RBL1: variants seen among roughly 807,000 people sequenced by gnomAD.
RBL1 encodes the protein retinoblastoma-like protein 1.
In RBL1, 82 loss-of-function variants were observed where a neutral mutation model predicts 123.0. That is an observed-to-expected ratio of 0.67 (90% confidence interval 0.56 to 0.80). The LOEUF is 0.80. Ranked by LOEUF, RBL1 falls within the 30% of genes least tolerant of loss-of-function variation. RBL1 has a pLI of 0.00. For missense variants in RBL1, 1,171 were observed against 1,299.6 expected (o/e 0.90, Z 1.52); for synonymous variants, 405 against 441.3 (o/e 0.92, Z 1.03).
In RBL1 at chr20:37,046,393, TTC is replaced by T. The variant is rs1233530767; in HGVS notation, c.1605+658_1605+659del. On this transcript the variant is annotated intron_variant, in intron 12 of 21. Coordinates refer to ENST00000373664, the MANE Select transcript of RBL1 (RefSeq NM_002895.5). ...GACTTAATTTACTGATACTCTCACC[TTC>T]TCTCTCTCTTTTTTTTTCTTTGAAA... is the stretch of plus-strand genomic sequence containing the variant. Among the ~76,000 whole-genome samples, 3 of 152,204 alleles carry T rather than the reference TTC, an allele frequency of 2.0e-5. No individual in the cohort carries two copies. In the East Asian group the frequency reaches 5.8e-4, roughly 29 times the overall value.
intron 2 of RBL1, among the ~76,000 whole-genome samples, chr20:37,072,264 C>T (rs1600581165): frequency 6.6e-6 from 1 of 152,256 alleles, no homozygotes; most frequent in Middle Eastern, 3.4e-3. Context: ...AGGTCAGGAG[C>T]TCGAGACCAG....
chr20:37,067,158 A>G (rs901725973), intron 4 of RBL1, 37 bp from the exon 5 acceptor site: 3 of 1,570,918 alleles, frequency 1.9e-6, no homozygotes, highest in Non-Finnish European at 2.6e-6. Context: ...AGACACAAAA[A>G]CCAGAAACCT....
At chr20:37,094,837 C>T (rs954289235) in intron 1 of RBL1, among the ~76,000 whole-genome samples, 2 of 152,158 alleles carry the variant, frequency 1.3e-5, no homozygotes, top group Non-Finnish European at 2.9e-5. Flanking sequence ...GGGGTTTCGC[C>T]GTGTTGCCCA....
chr20:37,041,679 C>T lies in RBL1; in HGVS notation c.1771-1394G>A, dbSNP rs2064730347. Among the ~76,000 whole-genome samples the T allele has an allele frequency of 3.3e-5, 5 of 151,990 alleles. No homozygotes were observed. The South Asian group carries it at 8.3e-4, about 25-fold the overall frequency. ...CAATGAAAAGTGTTCAATCTTTATACAGACATTTGAAAATTTTTAAGTAAG... is the reference window on the plus strand; with the variant it reads ...CAATGAAAAGTGTTCAATCTTTATATAGACATTTGAAAATTTTTAAGTAAG... On this transcript the variant is annotated intron_variant, in intron 13 of 21. Transcript: ENST00000373664.
chr20:37,000,288 T>C (rs6103162), intron 21 of RBL1, among the ~76,000 whole-genome samples: 86,607 of 143,126 alleles, frequency 0.61, 26,482 homozygotes, highest in African/African-American at 0.78. Flanking sequence ...AGGAGCGTCT[T>C]CGCCTGGCAG....
In RBL1 at chr20:37,035,628, T is replaced by C. The variant is rs529330533; in HGVS notation, c.1904-120A>G. The stretch of plus-strand genomic sequence containing the variant: ...GGGCACTAGCTAGATATGAATAACA[T>C]GGCCTTTGCCCTCATGGAATATGTA... On this transcript the variant is annotated intron_variant, in intron 14 of 21. Transcript: ENST00000373664. 4 of 872,604 alleles carry C rather than the reference T, an allele frequency of 4.6e-6. No homozygotes were observed. The African/African-American group carries it at 5.1e-5, about 11-fold the overall frequency. 54.1% of individuals were successfully genotyped at this position (872,604 alleles called of 1,614,324 possible). A position where few individuals can be genotyped will look rare whatever the true frequency, so the allele number is the denominator to read the frequency against.
intron 13 of RBL1, 95 bp downstream of exon 13, chr20:37,043,991 G>T: frequency 1.0e-6 from 1 of 988,896 alleles, no homozygotes; most frequent in East Asian, 2.7e-5. Context: ...CACTTAAAAT[G>T]GGTGAACTCT....
chr20:37,003,751 A>G lies in RBL1; in HGVS notation c.2987T>C (p.Leu996Pro). Residue 996 changes from leucine to proline, a missense_variant, in exon 21 of 22, where the codon CTT (leucine) becomes CCT (proline). Transcript: ENST00000373664. ...YISPHKNGSG[L>P]TPRSALLYKF... Reference sequence around the variant, plus strand: ...GTACAGCAGAGCGCTTCTTGGTGTAAGGCCTGACCCATTCTTGTGCGGGGA... The same window carrying G: ...GTACAGCAGAGCGCTTCTTGGTGTAGGGCCTGACCCATTCTTGTGCGGGGA... 2 of 1,613,852 alleles carry G rather than the reference A, an allele frequency of 1.2e-6. No homozygotes were observed. Among genetic ancestry groups the G allele is most frequent in the South Asian group, 2.2e-5 (2 of 91,038 alleles).
At chr20:37,087,033 C>T (rs1340000842) in intron 2 of RBL1, among the ~76,000 whole-genome samples, 1 of 152,068 alleles carries the variant, frequency 6.6e-6, no homozygotes, top group African/African-American at 2.4e-5. Flanking sequence ...AATTGGGAAC[C>T]ATCTATTAAA....
intron 16 of RBL1, among the ~76,000 whole-genome samples, chr20:37,024,004 C>T (rs1336844479): frequency 2.0e-5 from 3 of 151,194 alleles, no homozygotes; most frequent in Non-Finnish European, 4.4e-5. Context: ...AGGGTGGTCT[C>T]GAACTCCTGA....
chr20:37,058,388 C>T (rs755180403), intron 9 of RBL1, among the ~76,000 whole-genome samples: 4 of 150,726 alleles, frequency 2.7e-5, no homozygotes, highest in African/African-American at 4.9e-5. Context: ...TGGTGGCAGG[C>T]GCCTGTAGTC....
Position 37,044,032 on chromosome 20 carries a change from G to GT in RBL1, c.1770+53_1770+54insA, listed in dbSNP as rs2146265964. Reference sequence around the variant, plus strand: ...ATAGGAATTATCTCTCAATAAAGCTGGTTTTTTTTTTTTTTTTTTTAATGA... The same window carrying GT: ...ATAGGAATTATCTCTCAATAAAGCTGTGTTTTTTTTTTTTTTTTTTTAATGA... On this transcript the variant is annotated intron_variant, in intron 13 of 21. Transcript: ENST00000373664. The GT allele has an allele frequency of 7.4e-5, 78 of 1,048,104 alleles. No individual in the cohort carries two copies. In the East Asian group the frequency reaches 2.0e-3, roughly 27 times the overall value. The allele number at this position is 1,048,104 out of a possible 1,614,324, so 64.9% of individuals were successfully genotyped here.
rs1436725963 is a variant in RBL1, at chr20:37,061,165, C to G, written c.1188G>C (p.Arg396=). ...TCAGACCAGCCACAATACTCTGTAACCGGCTCACACTTTGGGTGGCTGATG... is the reference window on the plus strand; with the variant it reads ...TCAGACCAGCCACAATACTCTGTAAGCGGCTCACACTTTGGGTGGCTGATG... The part of the protein sequence containing the change: ...PVASATQSVS[R]LQSIVAGLKN... The change falls in exon 9 of 22, where the codon CGG becomes CGC. Residue 396 remains arginine, a synonymous_variant. Coordinates refer to ENST00000373664, the MANE Select transcript of RBL1 (RefSeq NM_002895.5). 1 of 1,613,806 alleles carries G rather than the reference C, an allele frequency of 6.2e-7. No homozygotes were observed. The highest frequency in any genetic ancestry group is 2.2e-5 in the East Asian group (1 of 44,880).
At position 37,095,753 on chromosome 20, in the gene RBL1, C is replaced by T. The variant is rs1027180758; in HGVS notation, c.156+20G>A. On this transcript the variant is annotated intron_variant, in intron 1 of 21. Transcript: ENST00000373664. ...GCCTGGCGAGGGTAGGGTCCGGCCG[C>T]CCCACCTGCTGCCGCTCACCTCTAG... 6.4e-7 allele frequency: 1 copy of T among 1,570,748 alleles called. No homozygotes were observed. The highest frequency in any genetic ancestry group is 8.7e-7 in the Non-Finnish European group (1 of 1,152,870).
At chr20:37,038,127 G>A (rs139836272) in intron 14 of RBL1, among the ~76,000 whole-genome samples, 77 of 151,628 alleles carry the variant, frequency 5.1e-4, no homozygotes, top group Middle Eastern at 6.8e-3. Flanking sequence ...GAGCAGCTGG[G>A]ATTACAGGTG....
chr20:37,003,983 A>C, intron 20 of RBL1, 117 bp from the exon 21 acceptor site: 5 of 846,648 alleles, frequency 5.9e-6, no homozygotes, highest in Non-Finnish European at 8.1e-6. Context: ...TAAAAAGCTC[A>C]TTTATGGTTG....
At chr20:37,082,278 A>C (rs2146326594) in intron 2 of RBL1, among the ~76,000 whole-genome samples, 1 of 152,328 alleles carries the variant, frequency 6.6e-6, no homozygotes, top group Non-Finnish European at 1.5e-5. Flanking sequence ...TAGTTCACTG[A>C]GGCAGAGCTG....
intron 1 of RBL1, among the ~76,000 whole-genome samples, chr20:37,095,181 C>G (rs1348142665): frequency 2.0e-5 from 3 of 152,336 alleles, no homozygotes; most frequent in African/African-American, 7.2e-5. Flanking sequence ...GGGCTGAGAT[C>G]AGCTTCGTGT....
intron 18 of RBL1, among the ~76,000 whole-genome samples, chr20:37,020,420 G>A (rs542721930): frequency 6.6e-6 from 1 of 152,188 alleles, no homozygotes; most frequent in Non-Finnish European, 1.5e-5. Context: ...ATGAACAAAT[G>A]GAATGGCAGA....
Sources: allele counts gnomAD v4.1 joint callset (sites outside exome capture counted in the v4.1 genomes callset), GRCh38; gene constraint gnomAD v4.1.1; transcripts MANE v1.5; gene names NCBI Gene and HGNC (gene_info 2026-07-23, HGNC 2026-07-21).